The following TMC7 variants were observed in gnomAD, a reference collection of about 807,000 sequenced individuals.
TMC7 encodes transmembrane channel like 7.
A neutral mutation model predicts 82.9 loss-of-function variants in TMC7; 54 were observed. That is an observed-to-expected ratio of 0.65 (90% CI 0.52 to 0.82). The LOEUF (loss-of-function observed/expected upper bound fraction) is 0.82. Among genes scored for constraint, TMC7 ranks in the 40% least tolerant of loss-of-function variants. The probability of loss-of-function intolerance (pLI) is 0.00; values close to 1 mark genes in which losing one functional copy is unlikely to be tolerated. For synonymous variants in TMC7, 350 were observed against 337.9 expected (o/e 1.04, Z -0.39); for missense variants, 820 against 901.2 (o/e 0.91, Z 1.15).
chr16:19,010,097 C>CT (rs1200470784), intron 2 of TMC7, among the ~76,000 whole-genome samples: 1 of 120,238 alleles, frequency 8.3e-6, no homozygotes, highest in Non-Finnish European at 1.7e-5. Flanking sequence ...TTCCTTTTTC[C>CT]TTTTTCCTTT....
chr16:18,997,722 A>T (rs2039068225), intron 1 of TMC7, among the ~76,000 whole-genome samples: 1 of 127,954 alleles, frequency 7.8e-6, no homozygotes, highest in Non-Finnish European at 1.6e-5. Flanking sequence ...CCTGTGCCAA[A>T]TCCAGCCTTT....
intron 6 of TMC7, among the ~76,000 whole-genome samples, chr16:19,031,362 G>T (rs1197006079): frequency 6.6e-6 from 1 of 152,192 alleles, no homozygotes; most frequent in Non-Finnish European, 1.5e-5. Context: ...GTGGCCAGGG[G>T]CTGGGGTCCT....
chr16:18,990,068 C>T (rs1475533118), intron 1 of TMC7, among the ~76,000 whole-genome samples: 2 of 151,786 alleles, frequency 1.3e-5, no homozygotes, highest in Non-Finnish European at 2.9e-5. Context: ...GTTTTGCAGG[C>T]AGGGGTGGAT....
At chr16:19,029,667 G>A (rs956593692) in intron 5 of TMC7, among the ~76,000 whole-genome samples, 2 of 151,340 alleles carry the variant, frequency 1.3e-5, no homozygotes, top group Non-Finnish European at 2.9e-5. Flanking sequence ...GAGCCACCAC[G>A]CCTGGCCATC....
chr16:18,985,469 A>G (rs1186986511), intron 1 of TMC7, among the ~76,000 whole-genome samples: 1 of 152,152 alleles, frequency 6.6e-6, no homozygotes, highest in Admixed American at 6.5e-5. Context: ...CAGCCTTTCA[A>G]TAACAGCTAG....
chr16:18,987,517 G>A (rs1472620244), intron 1 of TMC7, among the ~76,000 whole-genome samples: 1 of 151,910 alleles, frequency 6.6e-6, no homozygotes, highest in Non-Finnish European at 1.5e-5. Flanking sequence ...CACTATGTTG[G>A]CTGGTCTCGA....
At chr16:19,051,898 A>ATTTT in intron 13 of TMC7, 82 bp downstream of exon 13, 3 of 1,312,622 alleles carry the variant, frequency 2.3e-6, no homozygotes, top group Admixed American at 2.2e-5. Flanking sequence ...GTCATATCAC[A>ATTTT]TTTTTTTTTT....
chr16:18,990,576 A>G (rs1445537195), intron 1 of TMC7, among the ~76,000 whole-genome samples: 4 of 152,070 alleles, frequency 2.6e-5, no homozygotes, highest in Non-Finnish European at 5.9e-5. Context: ...TGAGCAGCGT[A>G]GCTGTTTATT....
rs186148613 is a variant in TMC7, at chr16:18,994,141, A to G, written c.67+10011A>G. On this transcript the variant is annotated intron_variant, in intron 1 of 15. Transcript: ENST00000304381. Reference sequence around the variant, plus strand: ...AACAATGGTAAGTGTGGGAGACTCAACAAAGACTGAGTATACCTGAAGGAG... The same window carrying G: ...AACAATGGTAAGTGTGGGAGACTCAGCAAAGACTGAGTATACCTGAAGGAG... Among the ~76,000 whole-genome samples, 31 of 152,272 alleles carry G rather than the reference A, an allele frequency of 2.0e-4. No homozygotes were observed. In the East Asian group the frequency reaches 5.8e-3, roughly 28 times the overall value.
intron 13 of TMC7, among the ~76,000 whole-genome samples, chr16:19,053,307 C>CT (rs11409750): frequency 0.88 from 131,377 of 148,462 alleles, 59,212 homozygotes; most frequent in Non-Finnish European, 0.97. Context: ...CATTAATATT[C>CT]TTTTTTTTTT....
Position 19,047,118 on chromosome 16 carries a change from G to A in TMC7, c.1609G>A (p.Glu537Lys), listed in dbSNP as rs1161778628. ...GCTGATTCAGTGCTGGGGGCAGCAG[G>A]AGTTTGCCATTCCTGATAACGTCCT... ...CKLIQCWGQQ[E>K]FAIPDNVLGI... is the part of the protein sequence containing the mutation. Residue 537 changes from glutamate to lysine, a missense_variant, in exon 12 of 16, where the codon GAG becomes AAG. By Grantham distance (56) the Glu-to-Lys change is moderately conservative (BLOSUM62 1). Coordinates refer to ENST00000304381, the MANE Select transcript of TMC7 (RefSeq NM_024847.4). 2 of 1,614,022 alleles carry A rather than the reference G, an allele frequency of 1.2e-6. No homozygotes were observed. The highest frequency in any genetic ancestry group is 1.7e-6 in the Non-Finnish European group (2 of 1,180,004).
rs555515261 is a variant in TMC7 at position 19,053,440 on chromosome 16, G to T, written c.1871+1624G>T. Among the ~76,000 whole-genome samples, 177 of 150,686 alleles carry T rather than the reference G, an allele frequency of 1.2e-3. 1 individual carries two copies. Among genetic ancestry groups the T allele is most frequent in the Non-Finnish European group, 1.9e-3 (127 of 67,850 alleles). On this transcript the variant is annotated intron_variant, in intron 13 of 15. Transcript: ENST00000304381. Reference sequence around the variant, plus strand: ...CTTTTTGAGACAGAGTTTCGCTCTTGTTGCCCAGGCTGGAGTGCAGTGGCG... The same window carrying T: ...CTTTTTGAGACAGAGTTTCGCTCTTTTTGCCCAGGCTGGAGTGCAGTGGCG...
chr16:19,040,478 C>T, intron 9 of TMC7, 32 bp downstream of exon 9: 1 of 1,590,354 alleles, frequency 6.3e-7, no homozygotes. Context: ...GCAGGCATGT[C>T]AAGCCAGTCA....
chr16:19,043,792 G>A (rs181482461), intron 9 of TMC7, among the ~76,000 whole-genome samples: 1 of 151,984 alleles, frequency 6.6e-6, no homozygotes, highest in Non-Finnish European at 1.5e-5. Context: ...GGCTGGTTTC[G>A]AACTTCTGAC....
rs1567514607 is a variant in TMC7 at position 19,023,215 on chromosome 16, CT to C, written c.711+23del. The C allele has an allele frequency of 8.2e-6, 12 of 1,465,428 alleles. No individual in the cohort carries two copies. The highest frequency in any genetic ancestry group is 1.1e-5 in the Non-Finnish European group (12 of 1,056,312). The allele number at this position is 1,465,428 out of a possible 1,614,324, so 90.8% of individuals were successfully genotyped here. ...GGCACTGTAAGTATTTAACATAATCCTTTGTTTAGCTCCTCAATCTACTAAA... is the reference window on the plus strand; with the variant it reads ...GGCACTGTAAGTATTTAACATAATCCTTGTTTAGCTCCTCAATCTACTAAA... On this transcript the variant is annotated intron_variant, in intron 5 of 15. Transcript: ENST00000304381.
chr16:19,030,093 C>T (rs1391312010), intron 5 of TMC7, 131 bp from the exon 6 acceptor site: 9 of 866,242 alleles, frequency 1.0e-5, no homozygotes, highest in Non-Finnish European at 1.4e-5. Flanking sequence ...GCCTCTGGGG[C>T]TGTTCCAGTC....
intron 11 of TMC7, 128 bp from the exon 12 acceptor site, chr16:19,046,935 G>T: frequency 1.4e-6 from 1 of 729,808 alleles, no homozygotes; most frequent in Non-Finnish European, 2.3e-6. Context: ...ATTATATTCT[G>T]CATCTTTAAG....
chr16:19,040,221 T>A, intron 8 of TMC7, 68 bp from the exon 9 acceptor site: 19 of 1,443,580 alleles, frequency 1.3e-5, no homozygotes, highest in Non-Finnish European at 1.7e-5. Flanking sequence ...GAGTTCTTTT[T>A]TGTTCTATCT....
At chr16:18,990,144 A>G (rs927773672) in intron 1 of TMC7, among the ~76,000 whole-genome samples, 8 of 152,130 alleles carry the variant, frequency 5.3e-5, no homozygotes, top group Non-Finnish European at 1.2e-4. Flanking sequence ...TGGGGAGATT[A>G]CAAAGTACCT....
Sources: gnomAD v4.1 joint callset for allele counts (sites outside exome capture counted in the v4.1 genomes callset) on GRCh38, gnomAD v4.1.1 for gene constraint, MANE v1.5 for transcripts, NCBI Gene and HGNC (gene_info 2026-07-23, HGNC 2026-07-21) for gene names.